ARMH4: variants seen among roughly 807,000 people sequenced by gnomAD.
ARMH4 encodes armadillo like helical domain containing 4.
A neutral mutation model predicts 61.9 loss-of-function variants in ARMH4; 49 were observed. The observed-to-expected ratio is 0.79, with a 90% CI of 0.63 to 1.00. ARMH4 has a LOEUF of 1.00. Ranked by LOEUF, ARMH4 falls within the 50% of genes least tolerant of loss-of-function variation. ARMH4 has a pLI of 0.00. For missense variants in ARMH4, 934 were observed against 930.0 expected, an observed-to-expected ratio of 1.00 and a Z score of -0.06; for synonymous variants, 368 against 341.5, an observed-to-expected ratio of 1.08 and a Z score of -0.85.
chr14:58,102,221 G>A (rs563963381), intron 4 of ARMH4, among the ~76,000 whole-genome samples: 1 of 152,282 alleles, frequency 6.6e-6, no homozygotes, highest in East Asian at 1.9e-4. Flanking sequence ...GTGTGGAAAT[G>A]AGTTATGGGG....
At position 58,118,670 on chromosome 14, in the gene ARMH4, G is replaced by A. The variant is rs995026415; in HGVS notation, c.1831+12842C>T. Among the ~76,000 whole-genome samples, 4 of 152,248 alleles carry A rather than the reference G, an allele frequency of 2.6e-5. No individual in the cohort carries two copies. In the East Asian group the frequency reaches 7.7e-4, roughly 29 times the overall value. Reference sequence around the variant, plus strand: ...CAGACAGAGCACGGAATGGGTCAGGGCCCATAATCCCTAGAAACTCATTAG... The same window carrying A: ...CAGACAGAGCACGGAATGGGTCAGGACCCATAATCCCTAGAAACTCATTAG... On this transcript the variant is annotated intron_variant, in intron 4 of 7. Transcript: ENST00000267485.
chr14:58,032,673 G>GT (rs1333870177), intron 5 of ARMH4, among the ~76,000 whole-genome samples: 1 of 151,892 alleles, frequency 6.6e-6, no homozygotes, highest in Non-Finnish European at 1.5e-5. Context: ...GCCAGACAGT[G>GT]GGCGCAGGCC....
At chr14:58,062,551 T>C (rs1884566722) in intron 5 of ARMH4, among the ~76,000 whole-genome samples, 1 of 152,070 alleles carries the variant, frequency 6.6e-6, no homozygotes, top group Admixed American at 6.6e-5. Flanking sequence ...ATGGAAGAAC[T>C]GAAAAGGGAT....
intron 5 of ARMH4, among the ~76,000 whole-genome samples, chr14:58,063,702 T>C (rs1255269697): frequency 2.0e-5 from 3 of 151,376 alleles, no homozygotes; most frequent in Admixed American, 2.0e-4. Flanking sequence ...TTTGGTACTG[T>C]CATCTATCAC....
chr14:58,021,176 C>A (rs995687487), intron 5 of ARMH4, among the ~76,000 whole-genome samples: 3 of 152,184 alleles, frequency 2.0e-5, no homozygotes, highest in Non-Finnish European at 4.4e-5. Context: ...GATTCAAATG[C>A]GATACGGTCT....
At chr14:58,054,904 T>TAAC (rs1884286144) in intron 5 of ARMH4, among the ~76,000 whole-genome samples, 1 of 150,006 alleles carries the variant, frequency 6.7e-6, no homozygotes, top group Admixed American at 6.6e-5. Flanking sequence ...ATAATAATAA[T>TAAC]AATAATGTTC....
In ARMH4 at chr14:58,144,784, C is replaced by T. The variant is rs370505352; in HGVS notation, c.-56-5370G>A. ...TCGGGAGGCTGAGGCAGGAGAATGG[C>T]GTGAACCCAGGAGGCCGAGCTTGCC... On this transcript the variant is annotated intron_variant, in intron 1 of 7. Coordinates refer to ENST00000267485, the MANE Select transcript of ARMH4 (RefSeq NM_001001872.4). Among the ~76,000 whole-genome samples, 1,317 of 152,146 alleles carry T rather than the reference C, an allele frequency of 8.7e-3. 20 individuals are homozygous for T. The highest frequency in any genetic ancestry group is 0.03 in the African/African-American group (1,241 of 41,488).
chr14:58,004,952 C>T, intron 7 of ARMH4, 96 bp downstream of exon 7: 2 of 1,572,444 alleles, frequency 1.3e-6, no homozygotes, highest in Non-Finnish European at 1.7e-6. Context: ...TCAATACCAC[C>T]CAAGCATCAT....
At chr14:58,053,570 A>T (rs1191551729) in intron 5 of ARMH4, among the ~76,000 whole-genome samples, 2 of 151,864 alleles carry the variant, frequency 1.3e-5, no homozygotes, top group Non-Finnish European at 2.9e-5. Flanking sequence ...GCCTTCTCTG[A>T]CCCCCATCAG....
chr14:58,102,595 AG>A (rs1356486783), intron 4 of ARMH4, among the ~76,000 whole-genome samples: 1 of 143,024 alleles, frequency 7.0e-6, no homozygotes, highest in Non-Finnish European at 1.5e-5. Context: ...GTGGATCATG[AG>A]GTCAGGAGAT....
At chr14:58,133,388 TTAA>T in intron 2 of ARMH4, 47 bp from the exon 3 acceptor site, 1 of 1,367,444 alleles carries the variant, frequency 7.3e-7, no homozygotes, top group Non-Finnish European at 9.9e-7. Flanking sequence ...CCCTATTTTT[TTAA>T]AAAAAAAAAA....
intron 3 of ARMH4, among the ~76,000 whole-genome samples, chr14:58,132,784 A>G (rs1447971002): frequency 6.6e-6 from 1 of 151,654 alleles, no homozygotes; most frequent in African/African-American, 2.4e-5. Context: ...ACGGGGTTTC[A>G]CCACGTTGGC....
At chr14:58,033,194 G>A (rs1883332179) in intron 5 of ARMH4, among the ~76,000 whole-genome samples, 1 of 114,804 alleles carries the variant, frequency 8.7e-6, no homozygotes, top group Non-Finnish European at 1.9e-5. Flanking sequence ...CCAGCACGCA[G>A]CTGGAGATCT....
intron 2 of ARMH4, among the ~76,000 whole-genome samples, chr14:58,137,756 T>A (rs1213874540): frequency 1.3e-5 from 2 of 152,170 alleles, no homozygotes; most frequent in Non-Finnish European, 2.9e-5. Context: ...AATTTCATTT[T>A]TTTATTCTTT....
chr14:58,042,693 A>C (rs1383004616), intron 5 of ARMH4, among the ~76,000 whole-genome samples: 1 of 151,982 alleles, frequency 6.6e-6, no homozygotes, highest in Non-Finnish European at 1.5e-5. Flanking sequence ...CAAAATTGAC[A>C]CTAGCAAGAC....
intron 4 of ARMH4, among the ~76,000 whole-genome samples, chr14:58,127,493 T>C (rs1462495920): frequency 6.6e-6 from 1 of 152,228 alleles, no homozygotes; most frequent in Non-Finnish European, 1.5e-5. Context: ...TTTCACTTTA[T>C]TAAACCTCTT....
intron 5 of ARMH4, among the ~76,000 whole-genome samples, chr14:58,043,527 C>T (rs1883806203): frequency 1.3e-5 from 2 of 152,164 alleles, no homozygotes; most frequent in South Asian, 2.1e-4. Context: ...TGGAAGCATT[C>T]CCTTTGAAAA....
At chr14:58,110,300 CATAT>C (rs1886312078) in intron 4 of ARMH4, among the ~76,000 whole-genome samples, 1 of 144,084 alleles carries the variant, frequency 6.9e-6, no homozygotes, top group African/African-American at 3.0e-5. Flanking sequence ...ATCTAACTAA[CATAT>C]GCATTACCTC....
Position 58,005,153 on chromosome 14 carries a change from A to G in ARMH4, c.2151T>C (p.Pro717=). 1 of 1,613,990 alleles carries G rather than the reference A, an allele frequency of 6.2e-7. No homozygotes were observed. The highest frequency in any genetic ancestry group is 8.5e-7 in the Non-Finnish European group (1 of 1,179,912). ...KAGYMSGMLV[P]VGVGIAGALF... is the part of the protein sequence containing the mutation. The stretch of plus-strand genomic sequence containing the variant: ...AGGCTCCAGCTATCCCAACCCCTAC[A>G]GGCACCAGCATCCCAGACATGTAAC... Residue 717 remains proline, a synonymous_variant, in exon 7 of 8, where the codon CCT becomes CCC. Transcript: ENST00000267485.
Sources: gnomAD v4.1 joint callset for allele counts (sites outside exome capture counted in the v4.1 genomes callset) on GRCh38, gnomAD v4.1.1 for gene constraint, MANE v1.5 for transcripts, NCBI Gene and HGNC (gene_info 2026-07-23, HGNC 2026-07-21) for gene names.